GALNT17: variants seen among roughly 807,000 people sequenced by gnomAD.
GALNT17 encodes the protein UDP-GalNAc:polypeptide N-acetylgalactosaminyltransferase-like 3.
A neutral mutation model predicts 63.7 loss-of-function variants in GALNT17; 29 were observed. The observed-to-expected ratio is 0.46, with a 90% CI of 0.34 to 0.62. The LOEUF (loss-of-function observed/expected upper bound fraction) is 0.62. Among genes scored for constraint, GALNT17 ranks in the 20% least tolerant of loss-of-function variants. GALNT17 has a pLI of 0.01. For missense variants in GALNT17, 603 were observed against 799.6 expected, an observed-to-expected ratio of 0.75 and a Z score of 2.97; for synonymous variants, 305 against 318.3, an observed-to-expected ratio of 0.96 and a Z score of 0.45.
chr7:71,202,108 A>G (rs1249012476), intron 1 of GALNT17, among the ~76,000 whole-genome samples: 4 of 152,124 alleles, frequency 2.6e-5, no homozygotes, highest in African/African-American at 9.7e-5. Flanking sequence ...TTTCCCCCAA[A>G]TAGTATTTTT....
chr7:71,285,461 A>T (rs964260579), intron 1 of GALNT17, among the ~76,000 whole-genome samples: 1 of 152,194 alleles, frequency 6.6e-6, no homozygotes, highest in Non-Finnish European at 1.5e-5. Flanking sequence ...GAGCTGCAAG[A>T]TTATCAGGCA....
chr7:71,411,277 C>T (rs1793425301), intron 3 of GALNT17, among the ~76,000 whole-genome samples: 1 of 152,034 alleles, frequency 6.6e-6, no homozygotes, highest in Non-Finnish European at 1.5e-5. Context: ...TGTGCCACCA[C>T]GCCTGGCTAA....
chr7:71,149,131 GACGCT>G (rs1439981408), intron 1 of GALNT17, among the ~76,000 whole-genome samples: 1 of 151,810 alleles, frequency 6.6e-6, no homozygotes, highest in Non-Finnish European at 1.5e-5. Context: ...TGTTGCCCGG[GACGCT>G]CTCAAACTCA....
At position 71,270,538 on chromosome 7, in the gene GALNT17, C is replaced by CAAA. The variant is rs573250852; in HGVS notation, c.239-64991_239-64989dup. On this transcript the variant is annotated intron_variant, in intron 1 of 10. Coordinates refer to ENST00000333538, the MANE Select transcript of GALNT17 (RefSeq NM_022479.3). ...AGACTACGTACCCTCCCCACCCCAC[C>CAAA]AAAAAAAAAAAAAAAAAAAAAAAGA... Among the ~76,000 whole-genome samples the CAAA allele has an allele frequency of 1.2e-3, 107 of 88,994 alleles. 1 individual carries two copies. Among genetic ancestry groups the CAAA allele is most frequent in the African/African-American group, 1.4e-3 (30 of 21,576 alleles). The allele number at this position is 88,994 out of a possible 152,430, so 58.4% of individuals were successfully genotyped here. A position where few individuals can be genotyped will look rare whatever the true frequency, so the allele number is the denominator to read the frequency against.
chr7:71,189,811 CT>C (rs113070343), intron 1 of GALNT17, among the ~76,000 whole-genome samples: 43,136 of 135,584 alleles, frequency 0.32, 8,398 homozygotes, highest in African/African-American at 0.59. Flanking sequence ...AGAACCATTT[CT>C]TTTTTTTTTT....
At chr7:71,662,737 T>C (rs1375660995) in intron 6 of GALNT17, among the ~76,000 whole-genome samples, 2 of 152,240 alleles carry the variant, frequency 1.3e-5, no homozygotes, top group African/African-American at 4.8e-5. Flanking sequence ...TCCCATCATA[T>C]GGATATGTTA....
intron 1 of GALNT17, among the ~76,000 whole-genome samples, chr7:71,262,740 G>A (rs1173619089): frequency 1.6e-4 from 22 of 141,894 alleles, no homozygotes; most frequent in African/African-American, 1.6e-4. Context: ...GAGTGCAGTC[G>A]CGTGATCTTG....
intron 1 of GALNT17, among the ~76,000 whole-genome samples, chr7:71,330,148 G>T (rs1371583993): frequency 6.6e-6 from 1 of 151,872 alleles, no homozygotes; most frequent in East Asian, 1.9e-4. Context: ...AAGTAGCTGG[G>T]ACTACAGGTG....
intron 5 of GALNT17, among the ~76,000 whole-genome samples, chr7:71,530,099 G>C (rs958770959): frequency 6.6e-6 from 1 of 152,132 alleles, no homozygotes; most frequent in Non-Finnish European, 1.5e-5. Context: ...GCAGTGTCTG[G>C]CTACTCATCC....
intron 1 of GALNT17, among the ~76,000 whole-genome samples, chr7:71,265,227 A>G (rs1790473247): frequency 6.9e-6 from 1 of 145,842 alleles, no homozygotes; most frequent in African/African-American, 2.5e-5. Context: ...CCTGGGTTCA[A>G]GTGATTCTTC....
At chr7:71,232,310 G>A (rs1789805233) in intron 1 of GALNT17, among the ~76,000 whole-genome samples, 1 of 152,120 alleles carries the variant, frequency 6.6e-6, no homozygotes. Context: ...TCTCATTTGT[G>A]CAGGGGTGAA....
At chr7:71,420,792 C>T in intron 4 of GALNT17, 116 bp from the exon 5 acceptor site, 1 of 1,267,984 alleles carries the variant, frequency 7.9e-7, no homozygotes, top group Non-Finnish European at 1.1e-6. Context: ...CATCTGAGTT[C>T]CAGCCTTCCC....
chr7:71,673,761 C>T (rs533870754), intron 8 of GALNT17, among the ~76,000 whole-genome samples: 53 of 152,218 alleles, frequency 3.5e-4, no homozygotes, highest in African/African-American at 1.3e-3. Flanking sequence ...ACTACAGGTA[C>T]ATATCATCAC....
chr7:71,286,006 C>T lies in GALNT17; in HGVS notation c.239-49544C>T, dbSNP rs7797471. 2.8e-3 allele frequency among the ~76,000 whole-genome samples: 432 copies of T among 152,346 alleles called. 3 individuals are homozygous for T. Among genetic ancestry groups the T allele is most frequent in the African/African-American group, 0.01 (418 of 41,578 alleles). ...AAAGCCAAACTAAATGCGTTCCCAACCTAAATTCCGCAAAGCCAAATCCTG... is the reference window on the plus strand; with the variant it reads ...AAAGCCAAACTAAATGCGTTCCCAATCTAAATTCCGCAAAGCCAAATCCTG... On this transcript the variant is annotated intron_variant, in intron 1 of 10. Coordinates refer to ENST00000333538, the MANE Select transcript of GALNT17 (RefSeq NM_022479.3).
chr7:71,626,368 A>G (rs1475855692), intron 6 of GALNT17, among the ~76,000 whole-genome samples: 2 of 152,298 alleles, frequency 1.3e-5, no homozygotes, highest in East Asian at 3.9e-4. Context: ...GGATACCTTG[A>G]TCTCAGCCTG....
intron 1 of GALNT17, among the ~76,000 whole-genome samples, chr7:71,236,891 C>G (rs149811481): frequency 0.015 from 2,304 of 152,294 alleles, 23 homozygotes; most frequent in Middle Eastern, 0.051. Flanking sequence ...AGGGAATGAT[C>G]CATCCTCTGC....
At chr7:71,452,777 G>C (rs1787287078) in intron 5 of GALNT17, among the ~76,000 whole-genome samples, 1 of 152,196 alleles carries the variant, frequency 6.6e-6, no homozygotes, top group Non-Finnish European at 1.5e-5. Flanking sequence ...GGGCCTCTCT[G>C]GTGGATACAG....
chr7:71,177,013 A>C (rs993579116), intron 1 of GALNT17, among the ~76,000 whole-genome samples: 1 of 152,178 alleles, frequency 6.6e-6, no homozygotes, highest in Admixed American at 6.5e-5. Flanking sequence ...CTAAAAGGAC[A>C]GAGCTTCGAG....
At chr7:71,345,123 G>GT (rs763779522) in intron 2 of GALNT17, among the ~76,000 whole-genome samples, 309 of 143,996 alleles carry the variant, frequency 2.1e-3, no homozygotes, top group Middle Eastern at 3.6e-3. Flanking sequence ...AGCCCCCACT[G>GT]TTTTTTTTTT....
Sources: allele counts gnomAD v4.1 joint callset (sites outside exome capture counted in the v4.1 genomes callset), GRCh38; gene constraint gnomAD v4.1.1; transcripts MANE v1.5; gene names NCBI Gene and HGNC (gene_info 2026-07-23, HGNC 2026-07-21).